Variants in UBE3C observed in about 807,000 individuals in gnomAD.
UBE3C encodes ubiquitin protein ligase E3C.
A neutral mutation model predicts 129.4 loss-of-function variants in UBE3C; 42 were observed. The ratio of observed to expected loss-of-function variants is 0.32; its 90% confidence interval spans 0.25 to 0.42. The LOEUF is 0.42. Ranked by LOEUF, UBE3C falls within the 10% of genes least tolerant of loss-of-function variation. UBE3C has a pLI of 1.00. For synonymous variants in UBE3C, 510 were observed against 492.4 expected (o/e 1.04, Z -0.47); for missense variants, 1,049 against 1,319.1 (o/e 0.80, Z 3.17).
intron 10 of UBE3C, among the ~76,000 whole-genome samples, chr7:157,188,119 G>A (rs1172341887): frequency 6.6e-6 from 1 of 152,232 alleles, no homozygotes; most frequent in African/African-American, 2.4e-5. Flanking sequence ...TGGATACAGA[G>A]TAAAATATAT....
chr7:157,253,487 T>C (rs1796670069), intron 19 of UBE3C, among the ~76,000 whole-genome samples: 3 of 152,252 alleles, frequency 2.0e-5, no homozygotes, highest in Admixed American at 2.0e-4. Context: ...AAGTGCTTTA[T>C]AGTAATGGCA....
intron 11 of UBE3C, among the ~76,000 whole-genome samples, chr7:157,204,187 T>C (rs1372326999): frequency 6.6e-6 from 1 of 152,106 alleles, no homozygotes; most frequent in East Asian, 1.9e-4. Flanking sequence ...TATTTCCTAC[T>C]GGGAATAAAG....
intron 16 of UBE3C, among the ~76,000 whole-genome samples, chr7:157,224,779 C>CACAT (rs1344463250): frequency 3.4e-5 from 5 of 148,202 alleles, no homozygotes; most frequent in African/African-American, 5.2e-5. Context: ...CGTGCGTACA[C>CACAT]ACACACACAC....
At chr7:157,220,561 G>A (rs1473831587) in intron 14 of UBE3C, 128 bp from the exon 15 acceptor site, 3 of 904,046 alleles carry the variant, frequency 3.3e-6, no homozygotes, top group South Asian at 2.0e-5. Context: ...GGACATGAAG[G>A]TATGAGGTCA....
In UBE3C at chr7:157,167,539, CTT is replaced by C. The variant is rs199635060; in HGVS notation, c.121-1506_121-1505del. Among the ~76,000 whole-genome samples, 723 of 151,430 alleles carry C rather than the reference CTT, an allele frequency of 4.8e-3. 4 individuals are homozygous for C. Among genetic ancestry groups the C allele is most frequent in the Middle Eastern group, 0.014 (4 of 294 alleles). ...GTATATAAAATGCCTCTCTCTCTCT[CTT>C]TTCTTTTTTTTTTTGAGACGGAGTC... On this transcript the variant is annotated intron_variant, in intron 2 of 22. Coordinates refer to ENST00000348165, the MANE Select transcript of UBE3C (RefSeq NM_014671.3).
In UBE3C at chr7:157,161,086, G is replaced by A. The variant is rs557331641; in HGVS notation, c.67-2724G>A. 5.9e-5 allele frequency among the ~76,000 whole-genome samples: 9 copies of A among 152,236 alleles called. No homozygotes were observed. The South Asian group carries it at 1.5e-3, about 25-fold the overall frequency. On this transcript the variant is annotated intron_variant, in intron 1 of 22. Coordinates refer to ENST00000348165, the MANE Select transcript of UBE3C (RefSeq NM_014671.3). ...GAAATAGTACCTAAATATAATGTGG[G>A]GTCCTGGATAGGATTCTAGAACAGA...
chr7:157,244,103 A>G (rs563309729), intron 18 of UBE3C, among the ~76,000 whole-genome samples: 43 of 152,282 alleles, frequency 2.8e-4, no homozygotes, highest in African/African-American at 9.1e-4. Context: ...TGGTATGCGC[A>G]CTTGTAATCC....
intron 10 of UBE3C, chr7:157,189,012 T>C: frequency 1.8e-6 from 1 of 564,662 alleles, no homozygotes; most frequent in Non-Finnish European, 3.3e-6. Context: ...GACAGATGCG[T>C]ACATGAAAAC....
intron 4 of UBE3C, among the ~76,000 whole-genome samples, chr7:157,170,858 T>C (rs1808348877): frequency 6.6e-6 from 1 of 152,114 alleles, no homozygotes; most frequent in South Asian, 2.1e-4. Flanking sequence ...TTTATTATTA[T>C]TATATTAGAG....
chr7:157,198,313 G>A, intron 10 of UBE3C: 1 of 831,718 alleles, frequency 1.2e-6, no homozygotes, highest in South Asian at 1.3e-5. Flanking sequence ...TGTCAGACTT[G>A]GAAGATTTGC....
At position 157,178,865 on chromosome 7, in the gene UBE3C, T is replaced by C. The variant is rs1246245838; in HGVS notation, c.616+18T>C. 2 of 1,611,398 alleles carry C rather than the reference T, an allele frequency of 1.2e-6. No homozygotes were observed. Among genetic ancestry groups the C allele is most frequent in the African/African-American group, 2.7e-5 (2 of 74,880 alleles). ...TCACAATGGTAAGTAGTAGGCAGGA[T>C]CAGAACTGTGGCTCAGCATCCTGAT... On this transcript the variant is annotated intron_variant, in intron 6 of 22. Transcript: ENST00000348165.
At chr7:157,262,641 G>A (rs928210179) in intron 22 of UBE3C, among the ~76,000 whole-genome samples, 52 of 151,828 alleles carry the variant, frequency 3.4e-4, no homozygotes, top group African/African-American at 1.2e-3. Flanking sequence ...GGCTGGTCTC[G>A]AACTCCTGAC....
chr7:157,241,871 G>T (rs1563071436), intron 18 of UBE3C, among the ~76,000 whole-genome samples: 1 of 152,172 alleles, frequency 6.6e-6, no homozygotes, highest in African/African-American at 2.4e-5. Context: ...ACATGGATGT[G>T]CCTTGAGAAT....
At chr7:157,171,680 ATATATAT>A in intron 4 of UBE3C, among the ~76,000 whole-genome samples, 1 of 32,824 alleles carries the variant, frequency 3.0e-5, no homozygotes, top group South Asian at 9.5e-4. Flanking sequence ...ATATATATAT[ATATATAT>A]TTTTTTTTTT....
At chr7:157,187,630 C>G (rs1183403389) in intron 10 of UBE3C, among the ~76,000 whole-genome samples, 1 of 151,224 alleles carries the variant, frequency 6.6e-6, no homozygotes, top group African/African-American at 2.4e-5. Flanking sequence ...GGCTGGAGTG[C>G]AGTGGCGCGA....
chr7:157,170,950 G>A (rs184905925), intron 4 of UBE3C, among the ~76,000 whole-genome samples: 3 of 152,132 alleles, frequency 2.0e-5, no homozygotes, highest in Admixed American at 6.5e-5. Flanking sequence ...GGGACTACAG[G>A]TGTGTGTACA....
intron 5 of UBE3C, among the ~76,000 whole-genome samples, chr7:157,177,711 C>A (rs1379889568): frequency 6.6e-6 from 1 of 152,188 alleles, no homozygotes; most frequent in Non-Finnish European, 1.5e-5. Flanking sequence ...GCTGGGTCCT[C>A]ACCCCCTGTC....
rs557435978 is a variant in UBE3C at position 157,184,617 on chromosome 7, A to G, written c.1143+588A>G. 3.9e-5 allele frequency among the ~76,000 whole-genome samples: 6 copies of G among 152,340 alleles called. No individual in the cohort carries two copies. In the East Asian group the frequency reaches 1.2e-3, roughly 29 times the overall value. On this transcript the variant is annotated intron_variant, in intron 9 of 22. Transcript: ENST00000348165. Reference sequence around the variant, plus strand: ...TGAAATGGCTTGAGGTATGGCTATCATAAGTTGTTATTTTTTCATTAAGGA... The same window carrying G: ...TGAAATGGCTTGAGGTATGGCTATCGTAAGTTGTTATTTTTTCATTAAGGA...
At position 157,213,188 on chromosome 7, in the gene UBE3C, C is replaced by G. The variant is rs567797612; in HGVS notation, c.1810-3679C>G. ...CACAAGAGTTAACACATCAGATGGA[C>G]ATAATGCTATTGTATTTCAGAACTT... On this transcript the variant is annotated intron_variant, in intron 13 of 22. Transcript: ENST00000348165. Among the ~76,000 whole-genome samples, 22 of 152,370 alleles carry G rather than the reference C, an allele frequency of 1.4e-4. No homozygotes were observed. The South Asian group carries it at 3.9e-3, about 27-fold the overall frequency.
Sources: gnomAD v4.1 joint callset for allele counts (sites outside exome capture counted in the v4.1 genomes callset) on GRCh38, gnomAD v4.1.1 for gene constraint, MANE v1.5 for transcripts, NCBI Gene and HGNC (gene_info 2026-07-23, HGNC 2026-07-21) for gene names.